Variants in IQCK observed in about 807,000 individuals in gnomAD.
The protein encoded by IQCK is IQ motif containing K.
In IQCK, 29 loss-of-function variants were observed where a neutral mutation model predicts 28.1. The observed-to-expected ratio is 1.03, with a 90% CI of 0.77 to 1.41. IQCK has a LOEUF of 1.41. Among genes scored for constraint, IQCK ranks in the 40% most tolerant of loss-of-function variants. The pLI is 0.00. For missense variants in IQCK, 359 were observed against 314.7 expected, an observed-to-expected ratio of 1.14 and a Z score of -1.07; for synonymous variants, 113 against 115.1, an observed-to-expected ratio of 0.98 and a Z score of 0.12.
intron 6 of IQCK, among the ~76,000 whole-genome samples, chr16:19,781,834 C>CA (rs1178336591): frequency 1.3e-5 from 2 of 151,860 alleles, no homozygotes; most frequent in African/African-American, 2.4e-5. Context: ...ACTAAAAATA[C>CA]AAAAATTAGC....
chr16:19,744,274 A>T (rs2054876721), intron 4 of IQCK, among the ~76,000 whole-genome samples: 1 of 152,178 alleles, frequency 6.6e-6, no homozygotes, highest in South Asian at 2.1e-4. Flanking sequence ...CACAAATAGT[A>T]TATTTTTTCA....
intron 9 of IQCK, among the ~76,000 whole-genome samples, chr16:19,850,822 C>T (rs2056472615): frequency 6.6e-6 from 1 of 151,960 alleles, no homozygotes; most frequent in South Asian, 2.1e-4. Context: ...AGAGACTAGG[C>T]TGGGCAACAT....
chr16:19,793,661 T>G (rs1567559629), intron 7 of IQCK, among the ~76,000 whole-genome samples: 1 of 134,258 alleles, frequency 7.4e-6, no homozygotes, highest in African/African-American at 3.2e-5. Flanking sequence ...TTTTTTTTTT[T>G]TTTTTTTTTT....
intron 6 of IQCK, among the ~76,000 whole-genome samples, chr16:19,776,533 C>T (rs774655724): frequency 6.6e-6 from 1 of 152,070 alleles, no homozygotes; most frequent in Non-Finnish European, 1.5e-5. Flanking sequence ...GGTGAAACTC[C>T]GTCTCTACTA....
chr16:19,724,963 G>T (rs2151674107), intron 1 of IQCK, among the ~76,000 whole-genome samples: 1 of 152,266 alleles, frequency 6.6e-6, no homozygotes, highest in South Asian at 2.1e-4. Context: ...AGGGGAGAGG[G>T]TTCACTTGTG....
chr16:19,761,225 A>G (rs76053156), intron 4 of IQCK: 2 of 353,736 alleles, frequency 5.7e-6, no homozygotes, highest in East Asian at 1.5e-4. Context: ...CGTGCCTCTG[A>G]CATTTCCAAT....
At position 19,827,077 on chromosome 16, in the gene IQCK, C is replaced by A. The variant is rs376359131; in HGVS notation, c.742C>A (p.Arg248Ser). The change falls in exon 8 of 8, where the codon CGC (arginine) becomes AGC (serine). Residue 248 changes from arginine to serine, a missense_variant. Arg to Ser is a moderately radical substitution (Grantham distance 110). Transcript: ENST00000564186. ...ACTGCGTCAGTGGCAGAAGAAACTT[C>A]GCGAGGCCAAGCACATTCACCAGCA... is the stretch of plus-strand genomic sequence containing the variant. The A allele has an allele frequency of 3.7e-6, 6 of 1,614,102 alleles. 1 individual carries two copies. In the South Asian group the frequency reaches 4.4e-5, roughly 12 times the overall value.
At chr16:19,731,342 CACGGTAACACGGATGGA>C (rs1977829996) in intron 2 of IQCK, among the ~76,000 whole-genome samples, 1 of 152,178 alleles carries the variant, frequency 6.6e-6, no homozygotes, top group Admixed American at 6.5e-5. Flanking sequence ...GGGACTTGAG[CACGGTAACACGGATGGA>C]ATCAAAACCT....
chr16:19,799,164 C>G (rs1437264059), intron 7 of IQCK, among the ~76,000 whole-genome samples: 1 of 117,690 alleles, frequency 8.5e-6, no homozygotes, highest in Non-Finnish European at 1.6e-5. Flanking sequence ...CTTTTTTAAG[C>G]CTACTCTCTC....
downstream of IQCK, among the ~76,000 whole-genome samples, chr16:19,829,446 C>T (rs1462170241): frequency 3.3e-5 from 5 of 152,040 alleles, no homozygotes; most frequent in South Asian, 2.1e-4. Context: ...AAGCGATTCT[C>T]ATGCCTCAGC....
intron 6 of IQCK, among the ~76,000 whole-genome samples, chr16:19,766,431 G>A (rs776536869): frequency 1.3e-5 from 2 of 152,228 alleles, no homozygotes; most frequent in Non-Finnish European, 2.9e-5. Context: ...GGCCAAGCTG[G>A]TTGGTGCCCA....
At chr16:19,720,407 A>G (rs1386458454) in intron 1 of IQCK, among the ~76,000 whole-genome samples, 1 of 152,182 alleles carries the variant, frequency 6.6e-6, no homozygotes, top group Non-Finnish European at 1.5e-5. Context: ...AGTTTCTTAT[A>G]ATACAGTTTA....
intron 6 of IQCK, among the ~76,000 whole-genome samples, chr16:19,765,358 C>T (rs2055218265): frequency 1.3e-5 from 2 of 151,244 alleles, no homozygotes; most frequent in African/African-American, 4.9e-5. Context: ...GCCAACATGG[C>T]AAAACCCCGT....
exon 10 of IQCK, chr16:19,858,040 GT>G: frequency 6.5e-6 from 1 of 154,410 alleles, no homozygotes; most frequent in Non-Finnish European, 1.4e-5. Flanking sequence ...CTCCCGGGTC[GT>G]TTTCCCCAAA....
rs569205197 is a variant in IQCK, at chr16:19,758,230, C to A, written c.475-5618C>A. Among the ~76,000 whole-genome samples the A allele has an allele frequency of 3.3e-5, 5 of 152,232 alleles. No homozygotes were observed. In the South Asian group the frequency reaches 1.0e-3, roughly 32 times the overall value. Reference sequence around the variant, plus strand: ...CACCACAACTTTTCATTTGCTTTTCCTTCTCTCTTTCAGCTCCTCAGCAGA... The same window carrying A: ...CACCACAACTTTTCATTTGCTTTTCATTCTCTCTTTCAGCTCCTCAGCAGA... On this transcript the variant is annotated intron_variant, in intron 4 of 7. Coordinates refer to ENST00000564186, the Ensembl canonical transcript of IQCK.
intron 1 of IQCK, among the ~76,000 whole-genome samples, chr16:19,728,402 A>G (rs952772372): frequency 1.3e-5 from 2 of 152,092 alleles, no homozygotes; most frequent in Admixed American, 1.3e-4. Context: ...AGTGCCTGCC[A>G]CCACGCCCAG....
At chr16:19,727,598 A>C (rs186897760) in intron 1 of IQCK, among the ~76,000 whole-genome samples, 6,784 of 128,606 alleles carry the variant, frequency 0.053, 524 homozygotes, top group African/African-American at 0.18. Flanking sequence ...CCCCCCCCCC[A>C]AAAAAAAAGA....
intron 9 of IQCK, among the ~76,000 whole-genome samples, chr16:19,836,118 G>A (rs1035323432): frequency 4.6e-5 from 7 of 152,208 alleles, no homozygotes; most frequent in African/African-American, 9.6e-5. Context: ...AATTCTAAAT[G>A]AGGTCATTGT....
intron 2 of IQCK, 79 bp from the exon 3 acceptor site, chr16:19,733,619 C>A: frequency 1.3e-6 from 2 of 1,504,674 alleles, no homozygotes; most frequent in Non-Finnish European, 9.1e-7. Flanking sequence ...GAATTTTATT[C>A]CTTCATAAGG....
Sources: allele counts gnomAD v4.1 joint callset (sites outside exome capture counted in the v4.1 genomes callset), GRCh38; gene constraint gnomAD v4.1.1; transcripts MANE v1.5; gene names NCBI Gene and HGNC (gene_info 2026-07-23, HGNC 2026-07-21).